The following BTG4 variants were observed in gnomAD, a reference collection of about 807,000 sequenced individuals.
The protein encoded by BTG4 is BTG anti-proliferation factor 4.
BTG4 carries 10 observed loss-of-function variants against 19.3 expected under a neutral mutation model. The observed-to-expected ratio is 0.52, with a 90% CI of 0.32 to 0.88. The LOEUF is 0.88. Among genes scored for constraint, BTG4 ranks in the 40% least tolerant of loss-of-function variants. The pLI, the probability that BTG4 is intolerant of heterozygous loss-of-function variation, is 0.04. For synonymous variants in BTG4, 91 were observed against 95.7 expected (o/e 0.95, Z 0.29); for missense variants, 238 against 281.9 (o/e 0.84, Z 1.11).
At chr11:111,427,267 A>G in the BTG4 span, among the ~76,000 whole-genome samples, 1 of 152,184 alleles carries the variant, frequency 6.6e-6, no homozygotes, top group South Asian at 2.1e-4. Context: ...TTCTTTCTGG[A>G]AAAAGGCAGC....
At chr11:111,451,332 C>T in the BTG4 span, 1 of 441,002 alleles carries the variant, frequency 2.3e-6, no homozygotes, top group African/African-American at 2.0e-5. Context: ...TGAGCAAAGC[C>T]TCAGCCTCTT....
chr11:111,444,101 A>G, the BTG4 span, among the ~76,000 whole-genome samples: 1 of 152,174 alleles, frequency 6.6e-6, no homozygotes, highest in Non-Finnish European at 1.5e-5. Context: ...ACAAAATAGG[A>G]GAAGTTTCCT....
chr11:111,472,725 C>T (rs145010247), intron 5 of BTG4, among the ~76,000 whole-genome samples: 1 of 152,300 alleles, frequency 6.6e-6, no homozygotes, highest in Non-Finnish European at 1.5e-5. Flanking sequence ...AATTTACTTA[C>T]ACTTGTTATT....
At chr11:111,502,884 G>C (rs1313851204) in intron 1 of BTG4, among the ~76,000 whole-genome samples, 1 of 152,166 alleles carries the variant, frequency 6.6e-6, no homozygotes, top group South Asian at 2.1e-4. Flanking sequence ...TTTCAGGAAA[G>C]AACAATCAAA....
At chr11:111,385,097 A>C in the BTG4 span, 1 of 152,128 alleles carries the variant, frequency 6.6e-6, no homozygotes, top group Non-Finnish European at 1.5e-5. Flanking sequence ...TTTTTTTATA[A>C]CAAAAAATAA....
At chr11:111,490,255 G>A (rs1036074533), downstream of BTG4, among the ~76,000 whole-genome samples, 5 of 150,330 alleles carry the variant, frequency 3.3e-5, no homozygotes, top group Non-Finnish European at 7.4e-5. Flanking sequence ...CCTGGGCAAC[G>A]AGAGCAAAAC....
chr11:111,416,292 C>T, the BTG4 span: 1 of 152,224 alleles, frequency 6.6e-6, no homozygotes, highest in African/African-American at 2.4e-5. Context: ...AACTGGGCCT[C>T]TCTTCCTCTC....
chr11:111,449,180 G>C, the BTG4 span, among the ~76,000 whole-genome samples: 2 of 151,784 alleles, frequency 1.3e-5, no homozygotes, highest in Admixed American at 6.6e-5. Context: ...CTCCTCCCCT[G>C]CCCTGTTTAT....
the BTG4 span, among the ~76,000 whole-genome samples, chr11:111,437,815 C>G: frequency 7.7e-4 from 117 of 152,310 alleles, no homozygotes; most frequent in South Asian, 9.7e-3. Flanking sequence ...GTGTTGATAG[C>G]TTAGCTACTC....
At chr11:111,499,550 A>G (rs949763333) in intron 1 of BTG4, among the ~76,000 whole-genome samples, 2 of 152,180 alleles carry the variant, frequency 1.3e-5, no homozygotes, top group African/African-American at 4.8e-5. Context: ...TGCTATTATA[A>G]TCTTATCTTT....
chr11:111,397,774 A>G, the BTG4 span: 1 of 152,250 alleles, frequency 6.6e-6, no homozygotes, highest in African/African-American at 2.4e-5. Context: ...CTTATTGACT[A>G]GAATTGAAAT....
chr11:111,439,060 C>G, the BTG4 span, among the ~76,000 whole-genome samples: 1 of 152,234 alleles, frequency 6.6e-6, no homozygotes, highest in African/African-American at 2.4e-5. Flanking sequence ...CACACCCACC[C>G]GCTGGGCAGC....
chr11:111,436,755 C>T, the BTG4 span, among the ~76,000 whole-genome samples: 1 of 152,376 alleles, frequency 6.6e-6, no homozygotes, highest in South Asian at 2.1e-4. Context: ...CAGCCCCTCC[C>T]CCGGCAGGTG....
the BTG4 span, among the ~76,000 whole-genome samples, chr11:111,439,648 A>C: frequency 1.3e-5 from 2 of 148,202 alleles, no homozygotes; most frequent in Non-Finnish European, 3.0e-5. Context: ...CCAGACTCAC[A>C]CCCCCTCTCA....
At chr11:111,411,812 T>C in the BTG4 span, among the ~76,000 whole-genome samples, 1 of 152,208 alleles carries the variant, frequency 6.6e-6, no homozygotes, top group Admixed American at 6.5e-5. Context: ...TTTTGTCTGA[T>C]TTTTGTTGGT....
At chr11:111,443,087 T>C in the BTG4 span, among the ~76,000 whole-genome samples, 1 of 152,198 alleles carries the variant, frequency 6.6e-6, no homozygotes, top group Non-Finnish European at 1.5e-5. Context: ...GTACCCTTCA[T>C]ACAACGTGAT....
the BTG4 span, among the ~76,000 whole-genome samples, chr11:111,434,553 T>C: frequency 6.8e-6 from 1 of 146,904 alleles, no homozygotes; most frequent in Admixed American, 6.8e-5. Flanking sequence ...TAATAATAAT[T>C]TTAAAAATAA....
intron 1 of BTG4, among the ~76,000 whole-genome samples, chr11:111,509,731 A>G (rs1451294481): frequency 6.6e-6 from 1 of 151,384 alleles, no homozygotes; most frequent in African/African-American, 2.4e-5. Flanking sequence ...AAACAAAAAC[A>G]AAACAGGTTT....
the BTG4 span, chr11:111,456,616 G>T: frequency 2.2e-6 from 1 of 450,752 alleles, no homozygotes; most frequent in South Asian, 1.6e-5. The surrounding 1 kb of genome is among the most constrained non-coding windows in gnomAD (Gnocchi z 4.2). Context: ...CAGCGGCCAC[G>T]CAGGCTCCAT....
Sources: allele counts gnomAD v4.1 joint callset (sites outside exome capture counted in the v4.1 genomes callset), GRCh38; gene constraint gnomAD v4.1.1; non-coding constraint Gnocchi (gnomAD v3.1); transcripts MANE v1.5; gene names NCBI Gene and HGNC (gene_info 2026-07-23, HGNC 2026-07-21).